The following RBM41 variants were observed in gnomAD, a reference collection of about 807,000 sequenced individuals.
RBM41 encodes the protein RNA-binding protein 41.
A neutral mutation model predicts 30.8 loss-of-function variants in RBM41; 14 were observed. The ratio of observed to expected loss-of-function variants is 0.45; its 90% confidence interval spans 0.30 to 0.71. The LOEUF is 0.71. Among genes scored for constraint, RBM41 ranks in the 30% least tolerant of loss-of-function variants. The pLI is 0.08. For missense variants in RBM41, 276 were observed against 326.3 expected, an observed-to-expected ratio of 0.85 and a Z score of 1.19; for synonymous variants, 120 against 110.1, an observed-to-expected ratio of 1.09 and a Z score of -0.56.
At chrX:107,070,461 G>A (rs1251133667) in intron 6 of RBM41, 1 of 273,156 alleles carries the variant, frequency 3.7e-6, no homozygotes, top group Non-Finnish European at 6.9e-6. Flanking sequence ...GACTTGGGAT[G>A]AGGAATTTCT....
At chrX:107,095,137 A>G (rs1400034930) in intron 5 of RBM41, among the ~76,000 whole-genome samples, 1 of 90,260 alleles carries the variant, frequency 1.1e-5, no homozygotes, top group Non-Finnish European at 2.1e-5. Context: ...GGTTCCAGAC[A>G]GTATAAGGAG....
intron 5 of RBM41, among the ~76,000 whole-genome samples, chrX:107,098,433 T>G (rs1365005511): frequency 9.0e-6 from 1 of 111,135 alleles, no homozygotes; most frequent in African/African-American, 3.3e-5. Flanking sequence ...GATTCTAAAA[T>G]AGCCAAAAAG....
chrX:107,115,317 G>A (rs1265158857), intron 4 of RBM41, 35 bp downstream of exon 4: 2 of 1,182,817 alleles, frequency 1.7e-6, no homozygotes, highest in Non-Finnish European at 2.3e-6. Context: ...TTCTCTCAGT[G>A]AAAGAATATA....
chrX:107,104,332 T>C (rs1332755691), intron 5 of RBM41, among the ~76,000 whole-genome samples: 2 of 109,404 alleles, frequency 1.8e-5, no homozygotes, highest in Admixed American at 1.9e-4. Context: ...GATGGATTGA[T>C]AGATGGGTAT....
At chrX:107,109,633 G>C (rs191611135) in intron 5 of RBM41, among the ~76,000 whole-genome samples, 1 of 110,844 alleles carries the variant, frequency 9.0e-6, no homozygotes, top group Admixed American at 9.6e-5. Context: ...GCTTGATTTG[G>C]ATTTAGTTTG....
rs931336954 is a variant in RBM41 at position 107,062,037 on chromosome X, T to C, written c.*5490A>G. On this transcript the variant is annotated 3_prime_UTR_variant, in exon 8 of 8. Coordinates refer to ENST00000685964, the MANE Select transcript of RBM41 (RefSeq NM_001324242.2). ...GGAAAATTTCAATTATTAAGACAAA[T>C]TCCTCATGCTACCACTTTGTAGTCA... Among the ~76,000 whole-genome samples the C allele has an allele frequency of 8.9e-6, 1 of 112,121 alleles. No homozygotes were observed. The highest frequency in any genetic ancestry group is 3.2e-5 in the African/African-American group (1 of 30,856).
chrX:107,072,849 C>A (rs1013835078), intron 6 of RBM41, among the ~76,000 whole-genome samples: 3 of 110,827 alleles, frequency 2.7e-5, no homozygotes, highest in African/African-American at 9.8e-5. Context: ...GTATCTACAG[C>A]CAACTAATAT....
At chrX:107,093,018 C>T (rs1159036775) in intron 5 of RBM41, among the ~76,000 whole-genome samples, 1 of 111,676 alleles carries the variant, frequency 9.0e-6, no homozygotes, top group African/African-American at 3.3e-5. Flanking sequence ...TGATGAAATA[C>T]TATCATCCAA....
chrX:107,116,668 G>GT lies in RBM41; in HGVS notation c.106dup (p.Thr36AsnfsTer6). On this transcript the variant is annotated frameshift_variant, in exon 2 of 8. Coordinates refer to ENST00000685964, the MANE Select transcript of RBM41 (RefSeq NM_001324242.2). LOFTEE classifies it high-confidence loss of function. ...TACCTACTCCTCAATGGAGACAGAA[G>GT]TATCAAGTTGATGCTGAAGGAGGCT... is the stretch of plus-strand genomic sequence containing the variant. The GT allele has an allele frequency of 8.3e-7, 1 of 1,210,537 alleles. No homozygotes were observed. Among genetic ancestry groups the GT allele is most frequent in the Non-Finnish European group, 1.1e-6 (1 of 895,391 alleles).
chrX:107,057,789 AAGG>A (rs1935599281), downstream of RBM41, among the ~76,000 whole-genome samples: 1 of 112,139 alleles, frequency 8.9e-6, no homozygotes, highest in Non-Finnish European at 1.9e-5. Context: ...GAACCTACAG[AAGG>A]AGAAAATATT....
intron 6 of RBM41, among the ~76,000 whole-genome samples, chrX:107,073,846 T>C (rs368615904): frequency 8.9e-6 from 1 of 111,850 alleles, no homozygotes; most frequent in East Asian, 2.8e-4. Flanking sequence ...GAATATTATG[T>C]TTAGTGAAAT....
At chrX:107,099,020 T>G (rs1488721722) in intron 5 of RBM41, among the ~76,000 whole-genome samples, 1 of 110,173 alleles carries the variant, frequency 9.1e-6, no homozygotes, top group African/African-American at 3.3e-5. Flanking sequence ...GATTTATTAA[T>G]CAAAGCACAA....
At chrX:107,105,237 G>C (rs1043335430) in intron 5 of RBM41, among the ~76,000 whole-genome samples, 4 of 110,437 alleles carry the variant, frequency 3.6e-5, no homozygotes, top group African/African-American at 1.3e-4. Flanking sequence ...GACAAACAGA[G>C]AGTCAAATCA....
At chrX:107,105,888 C>A (rs1420427704) in intron 5 of RBM41, among the ~76,000 whole-genome samples, 3 of 111,460 alleles carry the variant, frequency 2.7e-5, no homozygotes, top group African/African-American at 6.5e-5. Flanking sequence ...TAAAGACTTA[C>A]ATGTTAGACC....
At position 107,069,265 on chromosome X, in the gene RBM41, G is replaced by A; in HGVS notation, c.1137C>T (p.Ile379=). ...MTGRMRGQAF[I]TFPNKEIAWQ... ...GATGAAACTACTTACTGGGAAAGGT[G>A]ATAAAAGCCTGGCCCCTCATTCGTC... Residue 379 remains isoleucine (I), a synonymous_variant, in exon 7 of 8, where the codon ATC becomes ATT. Transcript: ENST00000685964. 8.3e-7 allele frequency: 1 copy of A among 1,204,902 alleles called. No individual in the cohort carries two copies.
At position 107,064,249 on chromosome X, in the gene RBM41, G is replaced by T. The variant is rs1453335133; in HGVS notation, c.*3278C>A. On this transcript the variant is annotated 3_prime_UTR_variant, in exon 8 of 8. Transcript: ENST00000685964. ...ATTACAGGCGTAAGCCACTGTGCCT[G>T]GTCTTTTTTCTTCTTAAGTACAGGC... Among the ~76,000 whole-genome samples, 2 of 110,945 alleles carry T rather than the reference G, an allele frequency of 1.8e-5. No homozygotes were observed. The highest frequency in any genetic ancestry group is 6.5e-5 in the African/African-American group (2 of 30,546).
At chrX:107,068,477 C>T (rs758830992) in intron 7 of RBM41, among the ~76,000 whole-genome samples, 17 of 111,397 alleles carry the variant, frequency 1.5e-4, no homozygotes, top group Admixed American at 1.0e-3. Flanking sequence ...CACCCATAAA[C>T]GGTTTTTTAA....
intron 1 of RBM41, among the ~76,000 whole-genome samples, chrX:107,117,906 T>C (rs986286212): frequency 2.7e-5 from 3 of 111,438 alleles, no homozygotes; most frequent in Non-Finnish European, 3.8e-5. Flanking sequence ...GCTGTATATA[T>C]ACATTATACA....
chrX:107,067,534 C>T lies in RBM41; in HGVS notation c.1307G>A (p.Gly436Asp). ...CCACAATTTATATATATTCTAGCTA[C>T]CACTAATTTCTGTAGTGCTACCTGT... Reference protein sequence around the residue: ...CATGSTTEISGS With the variant: ...CATGSTTEISDS Residue 436 changes from glycine (G) to aspartate (D), a missense_variant, in exon 8 of 8, where the codon GGT (glycine) becomes GAT (aspartate). By Grantham distance (94) the Gly-to-Asp change is moderately conservative. Transcript: ENST00000685964. The T allele has an allele frequency of 8.3e-7, 1 of 1,202,762 alleles. No homozygotes were observed. Among genetic ancestry groups the T allele is most frequent in the Non-Finnish European group, 1.1e-6 (1 of 890,959 alleles).
Sources: allele counts gnomAD v4.1 joint callset (sites outside exome capture counted in the v4.1 genomes callset), GRCh38; gene constraint gnomAD v4.1.1; transcripts MANE v1.5; gene names NCBI Gene and HGNC (gene_info 2026-07-23, HGNC 2026-07-21).